Variants in LARGE1 observed in about 807,000 individuals in gnomAD.
The protein encoded by LARGE1 is LARGE xylosyl- and glucuronyltransferase 1, also known as xylosyl- and glucuronyltransferase LARGE1.
In LARGE1, 43 loss-of-function variants were observed where a neutral mutation model predicts 87.6. The observed-to-expected ratio is 0.49, with a 90% confidence interval of 0.38 to 0.63. LARGE1 has a LOEUF of 0.63. LARGE1 is among the 30% of genes least tolerant of loss of function. The pLI, the probability that LARGE1 is intolerant of heterozygous loss-of-function variation, is 0.00. For synonymous variants in LARGE1, 434 were observed against 394.6 expected, an observed-to-expected ratio of 1.10 and a Z score of -1.18; for missense variants, 802 against 1,000.2, an observed-to-expected ratio of 0.80 and a Z score of 2.67.
At chr22:33,271,416 T>G (rs528300930), downstream of LARGE1, among the ~76,000 whole-genome samples, 1 of 152,288 alleles carries the variant, frequency 6.6e-6, no homozygotes, top group Non-Finnish European at 1.5e-5. Context: ...ACTTTGCAGT[T>G]TTGCTCCAAG....
chr22:33,592,212 G>T (rs1176350093), intron 5 of LARGE1, among the ~76,000 whole-genome samples: 1 of 150,390 alleles, frequency 6.6e-6, no homozygotes, highest in African/African-American at 2.5e-5. Flanking sequence ...CCCATATTTA[G>T]GTGTTAAGAT....
At chr22:33,301,582 T>C (rs527624781) in intron 12 of LARGE1, among the ~76,000 whole-genome samples, 8 of 152,234 alleles carry the variant, frequency 5.3e-5, no homozygotes, top group South Asian at 4.1e-4. Context: ...AATGGCACGA[T>C]TGTGTGGAGA....
intron 11 of LARGE1, among the ~76,000 whole-genome samples, chr22:33,260,366 T>G (rs1927559463): frequency 6.6e-6 from 1 of 152,246 alleles, no homozygotes; most frequent in Non-Finnish European, 1.5e-5. Context: ...CATTTGCTTC[T>G]GAGAAATCCC....
intron 1 of LARGE1, among the ~76,000 whole-genome samples, chr22:33,780,199 G>C (rs1283073268): frequency 6.6e-6 from 1 of 152,214 alleles, no homozygotes; most frequent in African/African-American, 2.4e-5. Context: ...AAGGACCCAA[G>C]TGGCTTCAGG....
At chr22:33,320,697 A>T (rs1378115206) in intron 10 of LARGE1, among the ~76,000 whole-genome samples, 2 of 152,196 alleles carry the variant, frequency 1.3e-5, no homozygotes, top group Admixed American at 6.5e-5. Flanking sequence ...TATGCACAGA[A>T]GGTGATCAAT....
intron 12 of LARGE1, among the ~76,000 whole-genome samples, chr22:33,298,044 G>C (rs1933588563): frequency 6.7e-6 from 1 of 150,308 alleles, no homozygotes; most frequent in Non-Finnish European, 1.5e-5. Flanking sequence ...TCAGAAACCT[G>C]TACCAGTCTC....
intron 3 of LARGE1, among the ~76,000 whole-genome samples, chr22:33,649,892 CT>C (rs2080739921): frequency 6.6e-6 from 1 of 152,206 alleles, no homozygotes; most frequent in Admixed American, 6.5e-5. Flanking sequence ...GTTCAAATTA[CT>C]TCTTTAGATA....
At chr22:33,699,638 A>T (rs1211530827) in intron 2 of LARGE1, among the ~76,000 whole-genome samples, 1 of 152,216 alleles carries the variant, frequency 6.6e-6, no homozygotes, top group African/African-American at 2.4e-5. Flanking sequence ...TATCTGAACC[A>T]ATATATTTGC....
At chr22:33,402,437 G>T (rs2283901) in intron 7 of LARGE1, among the ~76,000 whole-genome samples, 47,826 of 151,942 alleles carry the variant, frequency 0.31, 8,354 homozygotes, top group African/African-American at 0.47. Context: ...TGACTAATTT[G>T]GGAATGACAG....
intron 1 of LARGE1, among the ~76,000 whole-genome samples, chr22:33,787,503 C>G (rs994812635): frequency 6.6e-6 from 1 of 152,148 alleles, no homozygotes; most frequent in African/African-American, 2.4e-5. Flanking sequence ...ATTTTATGAC[C>G]AGTCCTGCCT....
chr22:33,163,612 C>G (rs1377761462), exon 12 of LARGE1: 2 of 152,196 alleles, frequency 1.3e-5, no homozygotes, highest in African/African-American at 2.4e-5. Flanking sequence ...TGCCCCTTTA[C>G]AGGGAAGGGC....
At chr22:33,916,280 C>CAA (rs141062786) in intron 1 of LARGE1, among the ~76,000 whole-genome samples, 1 of 144,904 alleles carries the variant, frequency 6.9e-6, no homozygotes, top group African/African-American at 2.5e-5. Context: ...GACTCCATCT[C>CAA]AAAAAAAAAA....
chr22:33,119,342 TA>T, the LARGE1 span, among the ~76,000 whole-genome samples: 1 of 152,200 alleles, frequency 6.6e-6, no homozygotes, highest in African/African-American at 2.4e-5. Context: ...TATTTTTTTT[TA>T]TTTTTTGGTC....
chr22:33,087,166 C>G, the LARGE1 span, among the ~76,000 whole-genome samples: 1 of 151,888 alleles, frequency 6.6e-6, no homozygotes, highest in African/African-American at 2.4e-5. Flanking sequence ...CTTTCTTCCA[C>G]TCTCTTATTT....
the LARGE1 span, among the ~76,000 whole-genome samples, chr22:33,139,668 T>C: frequency 6.6e-6 from 1 of 152,246 alleles, no homozygotes; most frequent in African/African-American, 2.4e-5. Context: ...CTTTATGTGC[T>C]ATTCTCTATC....
At chr22:33,623,988 C>A (rs982629428) in intron 4 of LARGE1, among the ~76,000 whole-genome samples, 2 of 152,054 alleles carry the variant, frequency 1.3e-5, no homozygotes, top group Non-Finnish European at 2.9e-5. Flanking sequence ...CAAGATCATG[C>A]CACTGCACTC....
At chr22:33,291,445 C>G (rs1405815452) in intron 12 of LARGE1, among the ~76,000 whole-genome samples, 1 of 152,126 alleles carries the variant, frequency 6.6e-6, no homozygotes, top group East Asian at 1.9e-4. Flanking sequence ...ACTTCCTCCT[C>G]TCTCACTGGT....
intron 2 of LARGE1, among the ~76,000 whole-genome samples, chr22:33,663,399 A>T (rs2081185600): frequency 6.6e-6 from 1 of 152,194 alleles, no homozygotes; most frequent in African/African-American, 2.4e-5. Flanking sequence ...AGTAAGAAGA[A>T]TAAAACTAAG....
chr22:33,675,454 C>T (rs2081550639), intron 2 of LARGE1, among the ~76,000 whole-genome samples: 1 of 151,922 alleles, frequency 6.6e-6, no homozygotes, highest in Non-Finnish European at 1.5e-5. Context: ...TAGACTGTGG[C>T]AGAGCAGCAC....
Sources: gnomAD v4.1 joint callset for allele counts (sites outside exome capture counted in the v4.1 genomes callset) on GRCh38, gnomAD v4.1.1 for gene constraint, MANE v1.5 for transcripts, NCBI Gene and HGNC (gene_info 2026-07-23, HGNC 2026-07-21) for gene names.